Variants in IFI44L observed in about 807,000 individuals in gnomAD.
The protein encoded by IFI44L is interferon induced protein 44 like.
IFI44L carries 40 observed loss-of-function variants against 39.3 expected under a neutral mutation model. The ratio of observed to expected loss-of-function variants is 1.02; its 90% CI spans 0.79 to 1.33. The LOEUF (loss-of-function observed/expected upper bound fraction) is 1.33, where lower values mean the gene tolerates loss of function less well. Ranked by LOEUF, IFI44L falls within the 40% of genes most tolerant of loss-of-function variation. The pLI is 0.00. For missense variants in IFI44L, 623 were observed against 549.0 expected (o/e 1.13, Z -1.35); for synonymous variants, 198 against 182.3 (o/e 1.09, Z -0.69).
chr1:78,641,609 G>T lies in IFI44L; in HGVS notation c.1324G>T (p.Gly442Cys). The T allele has an allele frequency of 5.6e-6, 9 of 1,613,180 alleles. No homozygotes were observed. The highest frequency in any genetic ancestry group is 7.6e-6 in the Non-Finnish European group (9 of 1,179,308). ...AGAAGATTTGCCTCTTGAGGAAACTGGTAATCTGGCCCTTTTCTCCCCCTG... is the reference window on the plus strand; with the variant it reads ...AGAAGATTTGCCTCTTGAGGAAACTTGTAATCTGGCCCTTTTCTCCCCCTG... The part of the protein sequence containing the change: ...FLEDLPLEET[G>C]AIERALQPCI Residue 442 changes from glycine to cysteine, a missense_variant and splice_region_variant, in exon 8 of 9, where the codon GGT (glycine) becomes TGT (cysteine). Physicochemically the swap from Gly to Cys is radical, Grantham distance 159 (BLOSUM62 -3). Transcript: ENST00000370751.
At chr1:78,620,718 G>C (rs769089361) in intron 1 of IFI44L, 147 bp downstream of exon 1, 1 of 152,064 alleles carries the variant, frequency 6.6e-6, no homozygotes, top group African/African-American at 2.4e-5. Flanking sequence ...TTTGTATTTG[G>C]AACATTCCAA....
At position 78,645,350 on chromosome 1, in the gene IFI44L, C is replaced by A. The variant is rs567835048; in HGVS notation, c.*3541C>A. 6.6e-6 allele frequency: 1 copy of A among 152,150 alleles called. No individual in the cohort carries two copies. Among genetic ancestry groups the A allele is most frequent in the Non-Finnish European group, 1.5e-5 (1 of 68,030 alleles). The allele number at this position is 152,150 out of a possible 1,614,324, so 9.4% of individuals were successfully genotyped here. A position where few individuals can be genotyped will look rare whatever the true frequency, so the allele number is the denominator to read the frequency against. On this transcript the variant is annotated 3_prime_UTR_variant, in exon 9 of 9. Transcript: ENST00000370751. ...GCCCAAATAAACTCTCTACTTATAT[C>A]AGTTTTTCCTACACTTCTTCCTTTT...
chr1:78,630,703 T>C (rs1424749719), intron 4 of IFI44L, among the ~76,000 whole-genome samples: 1 of 152,186 alleles, frequency 6.6e-6, no homozygotes, highest in Non-Finnish European at 1.5e-5. Flanking sequence ...AATAAGACAG[T>C]AATGGTTCAT....
chr1:78,635,043 TAC>T (rs1487928267), intron 4 of IFI44L, among the ~76,000 whole-genome samples: 230 of 118,514 alleles, frequency 1.9e-3, no homozygotes, highest in Non-Finnish European at 3.6e-3. Flanking sequence ...TATATATATA[TAC>T]ACACACGTTT....
At chr1:78,631,451 G>A (rs1450065754) in intron 4 of IFI44L, 2 of 152,150 alleles carry the variant, frequency 1.3e-5, no homozygotes, top group African/African-American at 4.8e-5. Flanking sequence ...ATTACAATAA[G>A]TCATAGACTG....
chr1:78,623,618 A>G (rs1570348555), intron 1 of IFI44L, among the ~76,000 whole-genome samples: 2 of 152,082 alleles, frequency 1.3e-5, no homozygotes, highest in East Asian at 3.9e-4. Flanking sequence ...ACTATCTGCC[A>G]CCTGCCAGAT....
At position 78,628,393 on chromosome 1, in the gene IFI44L, G is replaced by A; in HGVS notation, c.478G>A (p.Gly160Arg). The A allele has an allele frequency of 6.6e-7, 1 of 1,515,138 alleles. No individual in the cohort carries two copies. The highest frequency in any genetic ancestry group is 9.0e-7 in the Non-Finnish European group (1 of 1,116,624). The allele number at this position is 1,515,138 out of a possible 1,614,324, so 93.9% of individuals were successfully genotyped here. Residue 160 changes from glycine (G) to arginine (R), a missense_variant and splice_region_variant, in exon 2 of 9, where the codon GGA becomes AGA. Physicochemically the swap from Gly to Arg is moderately radical, Grantham distance 125. Coordinates refer to ENST00000370751, the MANE Select transcript of IFI44L (RefSeq NM_006820.4). ...YLECEVFRVE[G>R]IKDNLDDIKR... ...GGAATGTGAAGTTTTTCGAGTTGAA[G>A]GTTTGTAAAATTAGATAATCCTACA...
intron 1 of IFI44L, among the ~76,000 whole-genome samples, chr1:78,622,106 G>A (rs1160816522): frequency 6.6e-6 from 1 of 151,852 alleles, no homozygotes; most frequent in Non-Finnish European, 1.5e-5. Flanking sequence ...ACCCTTCCTA[G>A]CCTCCAGTAT....
At chr1:78,631,070 T>C (rs1226621359) in intron 4 of IFI44L, among the ~76,000 whole-genome samples, 1 of 152,094 alleles carries the variant, frequency 6.6e-6, no homozygotes, top group African/African-American at 2.4e-5. Flanking sequence ...CTTTCTTCCT[T>C]TTAAGTTTTA....
rs534258008 is a variant in IFI44L at position 78,644,805 on chromosome 1, T to C, written c.*2996T>C. 13 of 152,136 alleles carry C rather than the reference T, an allele frequency of 8.5e-5. No homozygotes were observed. Among genetic ancestry groups the C allele is most frequent in the African/African-American group, 3.1e-4 (13 of 41,482 alleles). The allele number at this position is 152,136 out of a possible 1,614,324, so 9.4% of individuals were successfully genotyped here. ...GGAGAATATCATCTTAAAGTGAGAG[T>C]GATGTTGTGGAGACAGTTGAAATGT... On this transcript the variant is annotated 3_prime_UTR_variant, in exon 9 of 9. Coordinates refer to ENST00000370751, the MANE Select transcript of IFI44L (RefSeq NM_006820.4).
At position 78,628,291 on chromosome 1, in the gene IFI44L, C is replaced by T. The variant is rs770275936; in HGVS notation, c.376C>T (p.Arg126Ter). The change falls in exon 2 of 9, where the codon CGA becomes TGA. Residue 126 changes from arginine to a stop codon, truncating the protein, a stop_gained. Coordinates refer to ENST00000370751, the MANE Select transcript of IFI44L (RefSeq NM_006820.4). LOFTEE classifies it high-confidence loss of function. ...GAAAACGGATATTTTCATTATATGT[C>T]GAGATAATAAAATTTATCTAGATAA... is the stretch of plus-strand genomic sequence containing the variant. ...LSKTDIFIIC[R>*]DNKIYLDKMI... 2.1e-5 allele frequency: 33 copies of T among 1,603,608 alleles called. No homozygotes were observed. The highest frequency in any genetic ancestry group is 2.3e-5 in the Non-Finnish European group (27 of 1,172,490).
chr1:78,637,230 A>G, intron 6 of IFI44L, 27 bp downstream of exon 6: 1 of 1,526,260 alleles, frequency 6.6e-7, no homozygotes, highest in Non-Finnish European at 8.9e-7. Flanking sequence ...TTATAAAAAA[A>G]TTTACTTTGA....
chr1:78,630,024 C>A, intron 4 of IFI44L, 109 bp downstream of exon 4: 2 of 1,052,314 alleles, frequency 1.9e-6, no homozygotes, highest in South Asian at 1.4e-5. Context: ...AATGCTAAAT[C>A]AAATGGAAAA....
Position 78,641,344 on chromosome 1 carries a change from T to C in IFI44L, c.1150-91T>C, listed in dbSNP as rs1646981785. The C allele has an allele frequency of 3.3e-6, 4 of 1,215,886 alleles. No individual in the cohort carries two copies. The South Asian group carries it at 5.8e-5, about 18-fold the overall frequency. 75.3% of individuals were successfully genotyped at this position (1,215,886 alleles called of 1,614,324 possible). On this transcript the variant is annotated intron_variant, in intron 7 of 8. Transcript: ENST00000370751. ...GAAGATAACTTATTAAGCCATTGCT[T>C]TTTTGGTTTCTTTCTTAAATTGTAT... is the stretch of plus-strand genomic sequence containing the variant.
rs1308316982 is a variant in IFI44L at position 78,642,023 on chromosome 1, A to G, written c.*214A>G. Reference sequence around the variant, plus strand: ...AACCACCCCTCCATATTTCCGTACCATTTACAATTCAGTTTCTGTGACATC... The same window carrying G: ...AACCACCCCTCCATATTTCCGTACCGTTTACAATTCAGTTTCTGTGACATC... On this transcript the variant is annotated 3_prime_UTR_variant, in exon 9 of 9. Coordinates refer to ENST00000370751, the MANE Select transcript of IFI44L (RefSeq NM_006820.4). 2.0e-5 allele frequency: 12 copies of G among 607,070 alleles called. No homozygotes were observed. Among genetic ancestry groups the G allele is most frequent in the South Asian group, 1.4e-4 (7 of 51,246 alleles). 37.6% of individuals were successfully genotyped at this position (607,070 alleles called of 1,614,324 possible). A position where few individuals can be genotyped will look rare whatever the true frequency, so the allele number is the denominator to read the frequency against.
In IFI44L at chr1:78,623,444, G is replaced by A. The variant is rs1652362234; in HGVS notation, c.-11+2873G>A. 4.6e-5 allele frequency among the ~76,000 whole-genome samples: 6 copies of A among 131,758 alleles called. No individual in the cohort carries two copies. The South Asian group carries it at 1.4e-3, about 31-fold the overall frequency. The allele number at this position is 131,758 out of a possible 152,430, so 86.4% of individuals were successfully genotyped here. On this transcript the variant is annotated intron_variant, in intron 1 of 8. Coordinates refer to ENST00000370751, the MANE Select transcript of IFI44L (RefSeq NM_006820.4). ...TTTTTTTTAAATCATGGAAGGACTT[G>A]GGTTTTATCAAATGTCTTTTCTGTA... is the stretch of plus-strand genomic sequence containing the variant.
Position 78,628,385 on chromosome 1 carries a change from G to T in IFI44L, c.470G>T (p.Arg157Leu), listed in dbSNP as rs779556259. ...HRQYLECEVFRVEGIKDNLDD... is the reference protein window; with the variant it reads ...HRQYLECEVFLVEGIKDNLDD... The stretch of plus-strand genomic sequence containing the variant: ...CAGTATTTGGAATGTGAAGTTTTTC[G>T]AGTTGAAGGTTTGTAAAATTAGATA... Residue 157 changes from arginine to leucine, a missense_variant, in exon 2 of 9, where the codon CGA becomes CTA. Coordinates refer to ENST00000370751, the MANE Select transcript of IFI44L (RefSeq NM_006820.4). 7.1e-6 allele frequency: 11 copies of T among 1,541,086 alleles called. No individual in the cohort carries two copies. Among genetic ancestry groups the T allele is most frequent in the Non-Finnish European group, 9.7e-6 (11 of 1,138,656 alleles).
chr1:78,626,287 G>A lies in IFI44L; in HGVS notation c.-10-1619G>A, dbSNP rs1216237767. 4 of 151,700 alleles carry A rather than the reference G, an allele frequency of 2.6e-5. No individual in the cohort carries two copies. In the South Asian group the frequency reaches 6.2e-4, roughly 24 times the overall value. The allele number at this position is 151,700 out of a possible 1,614,324, so 9.4% of individuals were successfully genotyped here. On this transcript the variant is annotated intron_variant, in intron 1 of 8. Coordinates refer to ENST00000370751, the MANE Select transcript of IFI44L (RefSeq NM_006820.4). ...GACTTCTTATTGTATTCATTTTACT[G>A]TAAATCATTCAATCTTACCTTTTAG... is the stretch of plus-strand genomic sequence containing the variant.
intron 1 of IFI44L, among the ~76,000 whole-genome samples, chr1:78,625,045 C>G (rs1007221675): frequency 3.3e-5 from 5 of 150,854 alleles, no homozygotes; most frequent in Non-Finnish European, 7.4e-5. Flanking sequence ...TGCTTTGACT[C>G]AGTATTATCC....
Sources: gnomAD v4.1 joint callset for allele counts (sites outside exome capture counted in the v4.1 genomes callset) on GRCh38, gnomAD v4.1.1 for gene constraint, MANE v1.5 for transcripts, NCBI Gene and HGNC (gene_info 2026-07-23, HGNC 2026-07-21) for gene names.